The following RNF182 variants were observed in gnomAD, a reference collection of about 807,000 sequenced individuals.
RNF182 encodes the protein ring finger protein 182, also known as E3 ubiquitin-protein ligase RNF182.
A neutral mutation model predicts 14.4 loss-of-function variants in RNF182; 15 were observed. That is an observed-to-expected ratio of 1.04 (90% CI 0.70 to 1.60). The LOEUF (loss-of-function observed/expected upper bound fraction) is 1.60, where lower values mean the gene tolerates loss of function less well. Among genes scored for constraint, RNF182 ranks in the 40% most tolerant of loss-of-function variants. RNF182 has a pLI of 0.00. For synonymous variants in RNF182, 128 were observed against 122.9 expected (o/e 1.04, Z -0.27); for missense variants, 268 against 294.8 (o/e 0.91, Z 0.67).
rs546425436 is a variant in RNF182 at position 13,933,810 on chromosome 6, T to C, written c.-367+8787T>C. 1.4e-4 allele frequency among the ~76,000 whole-genome samples: 22 copies of C among 152,124 alleles called. No individual in the cohort carries two copies. In the East Asian group the frequency reaches 1.6e-3, roughly 11 times the overall value. ...AGGTGGACAGGTCACCTGAGGTCGG[T>C]AGTTCGAGACCAACCTGGCCAATGT... On this transcript the variant is annotated intron_variant, in intron 1 of 2. Coordinates refer to ENST00000488300, the MANE Select transcript of RNF182 (RefSeq NM_152737.4).
chr6:13,951,449 C>T (rs1283791290), intron 1 of RNF182, among the ~76,000 whole-genome samples: 1 of 152,194 alleles, frequency 6.6e-6, no homozygotes, highest in Admixed American at 6.5e-5. Flanking sequence ...GGGACATTTC[C>T]GTACCTTCCA....
At chr6:13,926,761 A>G (rs957533715) in intron 1 of RNF182, among the ~76,000 whole-genome samples, 9 of 151,664 alleles carry the variant, frequency 5.9e-5, no homozygotes, top group African/African-American at 1.9e-4. Flanking sequence ...CTAAAAATAA[A>G]TTATTTTGTG....
In RNF182 at chr6:13,939,745, T is replaced by C. The variant is rs549579335; in HGVS notation, c.-367+14722T>C. Among the ~76,000 whole-genome samples, 6 of 152,054 alleles carry C rather than the reference T, an allele frequency of 3.9e-5. No individual in the cohort carries two copies. The South Asian group carries it at 1.0e-3, about 26-fold the overall frequency. ...TTTTTAGTAGAGATGGGGTTTCACCTTGTTAGCCAGGATGATCTTGATCTC... is the reference window on the plus strand; with the variant it reads ...TTTTTAGTAGAGATGGGGTTTCACCCTGTTAGCCAGGATGATCTTGATCTC... On this transcript the variant is annotated intron_variant, in intron 1 of 2. Coordinates refer to ENST00000488300, the MANE Select transcript of RNF182 (RefSeq NM_152737.4).
intron 1 of RNF182, among the ~76,000 whole-genome samples, chr6:13,938,898 C>T (rs769297718): frequency 6.6e-6 from 1 of 152,120 alleles, no homozygotes; most frequent in Non-Finnish European, 1.5e-5. Flanking sequence ...GCCTGGCCAA[C>T]ATGGTGAAAC....
intron 1 of RNF182, among the ~76,000 whole-genome samples, chr6:13,935,569 A>G (rs1439842967): frequency 6.6e-6 from 1 of 152,224 alleles, no homozygotes; most frequent in East Asian, 1.9e-4. Flanking sequence ...CAAGCTACAT[A>G]TTAATAAGTA....
intron 1 of RNF182, among the ~76,000 whole-genome samples, chr6:13,931,050 C>A (rs1758956537): frequency 6.6e-6 from 1 of 151,942 alleles, no homozygotes; most frequent in Admixed American, 6.6e-5. Flanking sequence ...TTCAGAGTGG[C>A]AGGTATGGCT....
At chr6:13,954,377 A>G (rs1052744977) in intron 1 of RNF182, among the ~76,000 whole-genome samples, 4 of 152,244 alleles carry the variant, frequency 2.6e-5, no homozygotes, top group African/African-American at 9.6e-5. Context: ...GGTTAGAATT[A>G]GAATCCAAAC....
chr6:13,957,836 T>C (rs1037828556), intron 1 of RNF182, among the ~76,000 whole-genome samples: 1 of 152,218 alleles, frequency 6.6e-6, no homozygotes, highest in African/African-American at 2.4e-5. Context: ...GTATACTTCT[T>C]CAGGTTGACA....
chr6:13,946,140 C>CATCATTATTATT (rs1554125653), intron 1 of RNF182, among the ~76,000 whole-genome samples: 6 of 137,410 alleles, frequency 4.4e-5, no homozygotes, highest in East Asian at 4.3e-4. Flanking sequence ...TAAAGCAAAA[C>CATCATTATTATT]ATTATTATTA....
intron 1 of RNF182, among the ~76,000 whole-genome samples, chr6:13,926,489 A>G (rs1758829272): frequency 6.6e-6 from 1 of 152,226 alleles, no homozygotes; most frequent in South Asian, 2.1e-4. Flanking sequence ...TAAAGGATTG[A>G]AGTTGCAATT....
intron 1 of RNF182, chr6:13,949,567 CTT>C: frequency 2.2e-6 from 1 of 451,534 alleles, no homozygotes; most frequent in Non-Finnish European, 4.1e-6. Context: ...AGAGTGAACT[CTT>C]AGATAAAATG....
chr6:13,938,498 G>T (rs1271835612), intron 1 of RNF182, among the ~76,000 whole-genome samples: 3 of 151,876 alleles, frequency 2.0e-5, no homozygotes, highest in African/African-American at 7.3e-5. Flanking sequence ...AGTGCTTTTT[G>T]TGTCTTCTTT....
rs1220369701 is a variant in RNF182 at position 13,924,998 on chromosome 6, C to T, written c.-392C>T. 6.5e-5 allele frequency: 1 copy of T among 15,470 alleles called. No homozygotes were observed. Among genetic ancestry groups the T allele is most frequent in the South Asian group, 2.1e-3 (1 of 484 alleles). 1.0% of individuals were successfully genotyped at this position (15,470 alleles called of 1,614,324 possible). On this transcript the variant is annotated 5_prime_UTR_variant, in exon 1 of 3. Transcript: ENST00000488300. ...GGCGCCGCCGCAGCCGGAGCGGCTC[C>T]CGGGCCCTGGGCCGCCGCCGGCCAG...
At chr6:13,944,717 A>G (rs565383910) in intron 1 of RNF182, among the ~76,000 whole-genome samples, 2 of 152,210 alleles carry the variant, frequency 1.3e-5, no homozygotes, top group Non-Finnish European at 2.9e-5. Context: ...CTTTCAATAC[A>G]CCTGTGAGGT....
intron 1 of RNF182, among the ~76,000 whole-genome samples, chr6:13,953,100 G>T (rs1759637065): frequency 6.6e-6 from 1 of 152,174 alleles, no homozygotes. Flanking sequence ...TACTGGGTTT[G>T]TTAAGTCCTG....
At chr6:13,956,169 C>T (rs953237667) in intron 1 of RNF182, among the ~76,000 whole-genome samples, 1 of 152,200 alleles carries the variant, frequency 6.6e-6, no homozygotes, top group African/African-American at 2.4e-5. Flanking sequence ...ATACCTACCA[C>T]ATTTTTATAT....
At chr6:13,934,137 A>G (rs1175676525) in intron 1 of RNF182, among the ~76,000 whole-genome samples, 1 of 152,264 alleles carries the variant, frequency 6.6e-6, no homozygotes, top group African/African-American at 2.4e-5. Context: ...TTGAAATTAA[A>G]TATGATGTAG....
At chr6:13,941,173 T>G (rs1440563929) in intron 1 of RNF182, among the ~76,000 whole-genome samples, 1 of 152,136 alleles carries the variant, frequency 6.6e-6, no homozygotes, top group Admixed American at 6.5e-5. Flanking sequence ...GCAAAATCTC[T>G]CACTGAGATG....
chr6:13,937,278 A>T (rs1323629973), intron 1 of RNF182, among the ~76,000 whole-genome samples: 1 of 152,240 alleles, frequency 6.6e-6, no homozygotes, highest in Non-Finnish European at 1.5e-5. Context: ...ATCAAAAAAT[A>T]GAAGATTACT....
Sources: allele counts gnomAD v4.1 joint callset (sites outside exome capture counted in the v4.1 genomes callset), GRCh38; gene constraint gnomAD v4.1.1; transcripts MANE v1.5; gene names NCBI Gene and HGNC (gene_info 2026-07-23, HGNC 2026-07-21).